Variants in RANGRF observed in about 807,000 individuals in gnomAD.
RANGRF encodes RAN guanine nucleotide release factor, also known as MOG1 homolog.
In RANGRF, 17 loss-of-function variants were observed where a neutral mutation model predicts 21.8. The ratio of observed to expected loss-of-function variants is 0.78; its 90% CI spans 0.53 to 1.17. RANGRF has a LOEUF of 1.17. Among genes scored for constraint, RANGRF ranks in the 50% most tolerant of loss-of-function variants. The pLI is 0.00. For missense variants in RANGRF, 225 were observed against 235.5 expected (o/e 0.96, Z 0.29); for synonymous variants, 97 against 94.3 (o/e 1.03, Z -0.17).
rs1332934393 is a variant in RANGRF, at chr17:8,290,021, T to C, written c.*85T>C. The C allele has an allele frequency of 6.9e-6, 11 of 1,605,238 alleles. No individual in the cohort carries two copies. The highest frequency in any genetic ancestry group is 9.4e-6 in the Non-Finnish European group (11 of 1,173,624). On this transcript the variant is annotated 3_prime_UTR_variant, in exon 5 of 5. Transcript: ENST00000226105. ...AAAAGAGGTTGAAAAGAGGGTTTCC[T>C]CTTATTTCTTCCCTGTGCGTAAACA...
At position 8,288,836 on chromosome 17, in the gene RANGRF, C is replaced by T. The variant is rs1276883848; in HGVS notation, c.48C>T (p.Ala16=). 6.2e-7 allele frequency: 1 copy of T among 1,614,234 alleles called. No homozygotes were observed. Among genetic ancestry groups the T allele is most frequent in the Non-Finnish European group, 8.5e-7 (1 of 1,180,054 alleles). Residue 16 remains alanine (A), a synonymous_variant, in exon 1 of 5, where the codon GCC becomes GCT. Transcript: ENST00000226105. ...CGCTGTTCGGGGGCGCCTTTTCCGCCATCCTCCCCATGGGGGCCATTGACG... is the reference window on the plus strand; with the variant it reads ...CGCTGTTCGGGGGCGCCTTTTCCGCTATCCTCCCCATGGGGGCCATTGACG... ...DCPLFGGAFS[A]ILPMGAIDVS... is the part of the protein sequence containing the mutation.
rs1990232795 is a variant in RANGRF, at chr17:8,288,724, T to C, written c.-65T>C. ...GCAGCTGCGAAACCCAGGGAGCCGA[T>C]GCCACGTGACCCAATGTGGACTTCT... On this transcript the variant is annotated 5_prime_UTR_variant, in exon 1 of 5. An upstream start codon of the reference 5' UTR is lost. Transcript: ENST00000226105. 10 of 1,570,102 alleles carry C rather than the reference T, an allele frequency of 6.4e-6. No homozygotes were observed. The highest frequency in any genetic ancestry group is 2.6e-6 in the Non-Finnish European group (3 of 1,140,662).
chr17:8,289,801 C>T lies in RANGRF; in HGVS notation c.438-12C>T, dbSNP rs369281314. Reference sequence around the variant, plus strand: ...GATGATGTTCTGTCTCCATCTGTTCCCCCACCCCAAGCCCTGACAACAGGT... The same window carrying T: ...GATGATGTTCTGTCTCCATCTGTTCTCCCACCCCAAGCCCTGACAACAGGT... On this transcript the variant is annotated splice_polypyrimidine_tract_variant and intron_variant, in intron 4 of 4. Transcript: ENST00000226105. 2.2e-5 allele frequency: 36 copies of T among 1,613,686 alleles called. No individual in the cohort carries two copies. In the African/African-American group the frequency reaches 4.4e-4, roughly 20 times the overall value.
In RANGRF at chr17:8,288,788, C is replaced by A. The variant is rs773522497; in HGVS notation, c.-1C>A. 33 of 1,614,090 alleles carry A rather than the reference C, an allele frequency of 2.0e-5. 1 individual carries two copies. The South Asian group carries it at 2.9e-4, about 14-fold the overall frequency. ...AATGCCCATAACCCAGCCTCAGACC[C>A]ATGGAGCCCACGAGAGACTGCCCGC... is the stretch of plus-strand genomic sequence containing the variant. On this transcript the variant is annotated 5_prime_UTR_variant, in exon 1 of 5. Coordinates refer to ENST00000226105, the MANE Select transcript of RANGRF (RefSeq NM_016492.5).
At position 8,288,890 on chromosome 17, in the gene RANGRF, G is replaced by A. The variant is rs1299181504; in HGVS notation, c.77+25G>A. 4 of 1,614,038 alleles carry A rather than the reference G, an allele frequency of 2.5e-6. No homozygotes were observed. In the Admixed American group the frequency reaches 6.7e-5, roughly 27 times the overall value. ...GGTGAGAAGGCCGGGGCGCCCAGGGGCGGCTGACTGGGTGGGTTGTGGGAA... is the reference window on the plus strand; with the variant it reads ...GGTGAGAAGGCCGGGGCGCCCAGGGACGGCTGACTGGGTGGGTTGTGGGAA... On this transcript the variant is annotated intron_variant, in intron 1 of 4. Coordinates refer to ENST00000226105, the MANE Select transcript of RANGRF (RefSeq NM_016492.5).
Position 8,289,894 on chromosome 17 carries a change from C to A in RANGRF, c.519C>A (p.Thr173=). 1.9e-6 allele frequency: 3 copies of A among 1,614,138 alleles called. No individual in the cohort carries two copies. Among genetic ancestry groups the A allele is most frequent in the Non-Finnish European group, 2.5e-6 (3 of 1,180,014 alleles). ...TGGGTGACTTTGAACAGCTGGTGAC[C>A]AGTCTGACCCTTCACGATCCTAACA... ...WSLGDFEQLV[T]SLTLHDPNIF... The change falls in exon 5 of 5, where the codon ACC becomes ACA. Residue 173 remains threonine (T), a synonymous_variant. Transcript: ENST00000226105.
In RANGRF at chr17:8,288,972, C is replaced by A; in HGVS notation, c.94C>A (p.Pro32Thr). ...TCACTCCAGCGACCTCCGACCGGTC[C>A]CGGACAATCAAGAAGTTTTCTGCCA... is the stretch of plus-strand genomic sequence containing the variant. ...AIDVSDLRPV[P>T]DNQEVFCHPV... Residue 32 changes from proline (P) to threonine (T), a missense_variant, in exon 2 of 5, where the codon CCG becomes ACG. Transcript: ENST00000226105. 6.2e-7 allele frequency: 1 copy of A among 1,614,140 alleles called. No individual in the cohort carries two copies. The highest frequency in any genetic ancestry group is 1.3e-5 in the African/African-American group (1 of 75,054).
chr17:8,288,688 G>A lies in RANGRF; in HGVS notation c.-101G>A. The A allele has an allele frequency of 7.5e-7, 1 of 1,327,682 alleles. No individual in the cohort carries two copies. The highest frequency in any genetic ancestry group is 1.1e-6 in the Non-Finnish European group (1 of 922,664). 82.2% of individuals were successfully genotyped at this position (1,327,682 alleles called of 1,614,324 possible). A position where few individuals can be genotyped will look rare whatever the true frequency, so the allele number is the denominator to read the frequency against. On this transcript the variant is annotated 5_prime_UTR_variant, in exon 1 of 5. Coordinates refer to ENST00000226105, the MANE Select transcript of RANGRF (RefSeq NM_016492.5). ...AGGATCCGGGAGCTAAGCCAGACCC[G>A]GGTGGCGGTGGCAGCTGCGAAACCC... is the stretch of plus-strand genomic sequence containing the variant.
Position 8,288,774 on chromosome 17 carries a change from C to A in RANGRF, c.-15C>A. On this transcript the variant is annotated 5_prime_UTR_variant, in exon 1 of 5. Transcript: ENST00000226105. ...TTTTAAACCTTTCTAATGCCCATAA[C>A]CCAGCCTCAGACCCATGGAGCCCAC... The A allele has an allele frequency of 6.2e-7, 1 of 1,613,886 alleles. No homozygotes were observed. The highest frequency in any genetic ancestry group is 1.1e-5 in the South Asian group (1 of 91,088).
Position 8,288,951 on chromosome 17 carries a change from T to G in RANGRF, c.78-5T>G. On this transcript the variant is annotated splice_polypyrimidine_tract_variant and splice_region_variant and intron_variant, in intron 1 of 4. Transcript: ENST00000226105. ...TCAACCAGGGTCTGCCTCGCCTCAC[T>G]CCAGCGACCTCCGACCGGTCCCGGA... 1 of 1,614,074 alleles carries G rather than the reference T, an allele frequency of 6.2e-7. No homozygotes were observed. Among genetic ancestry groups the G allele is most frequent in the African/African-American group, 1.3e-5 (1 of 75,036 alleles).
At chr17:8,289,766 C>T (rs1567657726) in intron 4 of RANGRF, 47 bp from the exon 5 acceptor site, 2 of 1,613,666 alleles carry the variant, frequency 1.2e-6, no homozygotes, top group Non-Finnish European at 8.5e-7. Flanking sequence ...ATTTCCAAAC[C>T]TCAGGCCTGG....
In RANGRF at chr17:8,288,949, A is replaced by T; in HGVS notation, c.78-7A>T. On this transcript the variant is annotated splice_polypyrimidine_tract_variant and splice_region_variant and intron_variant, in intron 1 of 4. Coordinates refer to ENST00000226105, the MANE Select transcript of RANGRF (RefSeq NM_016492.5). ...GGTCAACCAGGGTCTGCCTCGCCTC[A>T]CTCCAGCGACCTCCGACCGGTCCCG... The T allele has an allele frequency of 6.2e-7, 1 of 1,613,774 alleles. No homozygotes were observed. Among genetic ancestry groups the T allele is most frequent in the Non-Finnish European group, 8.5e-7 (1 of 1,179,920 alleles).
chr17:8,289,177 G>T, intron 2 of RANGRF, 81 bp from the exon 3 acceptor site: 8 of 1,600,354 alleles, frequency 5.0e-6, no homozygotes, highest in South Asian at 1.1e-5. Flanking sequence ...CGCACGGGCC[G>T]GGAGCCAGGC....
Position 8,289,176 on chromosome 17 carries a change from C to A in RANGRF, c.195-82C>A, listed in dbSNP as rs939582974. On this transcript the variant is annotated intron_variant, in intron 2 of 4. Coordinates refer to ENST00000226105, the MANE Select transcript of RANGRF (RefSeq NM_016492.5). Reference sequence around the variant, plus strand: ...CCGGGCGGTGAGACCACGCACGGGCCGGGAGCCAGGCCTGCAACTTAAAGA... The same window carrying A: ...CCGGGCGGTGAGACCACGCACGGGCAGGGAGCCAGGCCTGCAACTTAAAGA... 2.2e-5 allele frequency: 36 copies of A among 1,601,990 alleles called. No homozygotes were observed. In the Admixed American group the frequency reaches 5.3e-4, roughly 24 times the overall value.
rs770934461 is a variant in RANGRF, at chr17:8,289,921, C to T, written c.546C>T (p.Ile182=). ...GTCTGACCCTTCACGATCCTAACAT[C>T]TTTGGTCCCCAGTAAAGGCGCTGAA... ...VTSLTLHDPN[I]FGPQ The change falls in exon 5 of 5, where the codon ATC becomes ATT. Residue 182 remains isoleucine, a synonymous_variant. Coordinates refer to ENST00000226105, the MANE Select transcript of RANGRF (RefSeq NM_016492.5). The T allele has an allele frequency of 1.2e-6, 2 of 1,614,038 alleles. No homozygotes were observed. The highest frequency in any genetic ancestry group is 2.7e-5 in the African/African-American group (2 of 74,912).
intron 2 of RANGRF, 39 bp downstream of exon 2, chr17:8,289,111 G>C (rs780082409): frequency 6.2e-7 from 1 of 1,607,196 alleles, no homozygotes; most frequent in Admixed American, 1.7e-5. Flanking sequence ...GGCAGGGGCG[G>C]GGTCGGACCA....
chr17:8,289,947 G>A lies in RANGRF; in HGVS notation c.*11G>A, dbSNP rs377263349. 4 of 1,614,064 alleles carry A rather than the reference G, an allele frequency of 2.5e-6. No homozygotes were observed. Among genetic ancestry groups the A allele is most frequent in the Non-Finnish European group, 3.4e-6 (4 of 1,180,036 alleles). On this transcript the variant is annotated 3_prime_UTR_variant, in exon 5 of 5. Coordinates refer to ENST00000226105, the MANE Select transcript of RANGRF (RefSeq NM_016492.5). ...TTTGGTCCCCAGTAAAGGCGCTGAA[G>A]CACTGCATGATGTTGCTGAGAACTT...
At position 8,289,995 on chromosome 17, in the gene RANGRF, G is replaced by C. The variant is rs1302148871; in HGVS notation, c.*59G>C. 1.9e-6 allele frequency: 3 copies of C among 1,610,206 alleles called. No homozygotes were observed. The highest frequency in any genetic ancestry group is 2.2e-5 in the South Asian group (2 of 91,014). On this transcript the variant is annotated 3_prime_UTR_variant, in exon 5 of 5. Transcript: ENST00000226105. ...CTTGGGGACTCGGTTCTGTGAGGGG[G>C]AAAAGAGGTTGAAAAGAGGGTTTCC... is the stretch of plus-strand genomic sequence containing the variant.
At position 8,289,846 on chromosome 17, in the gene RANGRF, T is replaced by G. The variant is rs377749119; in HGVS notation, c.471T>G (p.Asn157Lys). The change falls in exon 5 of 5, where the codon AAT (asparagine) becomes AAG (lysine). Residue 157 changes from asparagine (N) to lysine (K), a missense_variant. Transcript: ENST00000226105. ...ACAGGTCATCTCTTGGCCCCGAAAA[T>G]CTGTCACCTGCACCCTGGAGCCTGG... is the stretch of plus-strand genomic sequence containing the variant. ...PDNRSSLGPE[N>K]LSPAPWSLGD... 1 of 1,613,934 alleles carries G rather than the reference T, an allele frequency of 6.2e-7. No homozygotes were observed. The highest frequency in any genetic ancestry group is 1.3e-5 in the African/African-American group (1 of 74,882).
Sources: gnomAD v4.1 joint callset for allele counts on GRCh38, gnomAD v4.1.1 for gene constraint, MANE v1.5 for transcripts, NCBI Gene and HGNC (gene_info 2026-07-23, HGNC 2026-07-21) for gene names.